ACTR6: variants seen among roughly 807,000 people sequenced by gnomAD.
ACTR6 encodes actin-related protein 6.
A neutral mutation model predicts 52.5 loss-of-function variants in ACTR6; 50 were observed. That is an observed-to-expected ratio of 0.95 (90% CI 0.76 to 1.20). The LOEUF (loss-of-function observed/expected upper bound fraction) is 1.20, where lower values mean the gene tolerates loss of function less well. Among genes scored for constraint, ACTR6 ranks in the 50% most tolerant of loss-of-function variants. The pLI is 0.00. For missense variants in ACTR6, 344 were observed against 472.4 expected (o/e 0.73, Z 2.52); for synonymous variants, 135 against 147.2 (o/e 0.92, Z 0.60).
intron 4 of ACTR6, among the ~76,000 whole-genome samples, chr12:100,209,128 A>C (rs2096117649): frequency 6.6e-6 from 1 of 152,258 alleles, no homozygotes; most frequent in Admixed American, 6.5e-5. Context: ...ATCTAGAAGC[A>C]AGTGTATTAC....
rs965625521 is a variant in ACTR6, at chr12:100,220,100, T to C, written c.1015T>C (p.Cys339Arg). The C allele has an allele frequency of 2.5e-6, 4 of 1,613,912 alleles. No individual in the cohort carries two copies. The African/African-American group carries it at 5.3e-5, about 22-fold the overall frequency. Residue 339 changes from cysteine to arginine, a missense_variant, in exon 10 of 11, where the codon TGT becomes CGT. Cys to Arg is a radical substitution (Grantham distance 180). Transcript: ENST00000188312. ...GGATCGGGTTTACTCAGAAGTTCGA[T>C]GTCTTACTCCAACAGATTATGATGT... Reference protein sequence around the residue: ...FRDRVYSEVRCLTPTDYDVSV... With the variant: ...FRDRVYSEVRRLTPTDYDVSV...
intron 4 of ACTR6, 92 bp downstream of exon 4, chr12:100,207,878 T>C (rs1330369336): frequency 7.0e-7 from 1 of 1,431,514 alleles, no homozygotes; most frequent in Non-Finnish European, 9.7e-7. Context: ...AGTGGCATTC[T>C]TGGCTAGCAC....
intron 4 of ACTR6, 106 bp downstream of exon 4, chr12:100,207,892 G>A: frequency 1.6e-6 from 2 of 1,262,288 alleles, no homozygotes; most frequent in African/African-American, 1.5e-5. Flanking sequence ...CTAGCACAGT[G>A]GCTAACACCT....
At chr12:100,221,509 T>C (rs902660805) in intron 10 of ACTR6, among the ~76,000 whole-genome samples, 1 of 151,554 alleles carries the variant, frequency 6.6e-6, no homozygotes, top group Non-Finnish European at 1.5e-5. Context: ...TCCACAGAAA[T>C]AGGTCTTATT....
In ACTR6 at chr12:100,205,767, A is replaced by C. The variant is rs184084745; in HGVS notation, c.255+23A>C. On this transcript the variant is annotated intron_variant, in intron 3 of 10. Transcript: ENST00000188312. ...CAGGTAACAAATTAGAGTATGTATT[A>C]AAATTCTATTTCCATGTTTAATTGT... The C allele has an allele frequency of 5.3e-4, 698 of 1,317,270 alleles. 1 individual carries two copies. In the African/African-American group the frequency reaches 9.4e-3, roughly 18 times the overall value. 81.6% of individuals were successfully genotyped at this position (1,317,270 alleles called of 1,614,324 possible). A position where few individuals can be genotyped will look rare whatever the true frequency, so the allele number is the denominator to read the frequency against.
At chr12:100,223,514 G>T (rs1161796795) in intron 10 of ACTR6, among the ~76,000 whole-genome samples, 1 of 152,080 alleles carries the variant, frequency 6.6e-6, no homozygotes, top group Non-Finnish European at 1.5e-5. Context: ...GAATTAGAGG[G>T]TCCATAAATT....
At chr12:100,207,819 A>G (rs1389820395) in intron 4 of ACTR6, 33 bp downstream of exon 4, 2 of 1,576,488 alleles carry the variant, frequency 1.3e-6, no homozygotes, top group African/African-American at 2.7e-5. Context: ...ATTGAGTTAT[A>G]TGACTATGGA....
chr12:100,206,918 G>C (rs2096115322), intron 3 of ACTR6, among the ~76,000 whole-genome samples: 1 of 150,806 alleles, frequency 6.6e-6, no homozygotes, highest in African/African-American at 2.4e-5. Context: ...GACCTCAGGT[G>C]ATCTGCCTGC....
chr12:100,216,531 C>T (rs1267189969), intron 8 of ACTR6, among the ~76,000 whole-genome samples: 1 of 152,174 alleles, frequency 6.6e-6, no homozygotes, highest in African/African-American at 2.4e-5. Flanking sequence ...AGTTCTGGCT[C>T]TCTCCCCTAG....
intron 1 of ACTR6, among the ~76,000 whole-genome samples, chr12:100,201,226 T>C (rs544028505): frequency 6.6e-6 from 1 of 152,328 alleles, no homozygotes; most frequent in East Asian, 1.9e-4. Flanking sequence ...TTCATCAGCC[T>C]TTGGAAACTA....
At chr12:100,202,720 A>G (rs2096110807) in intron 1 of ACTR6, among the ~76,000 whole-genome samples, 1 of 151,998 alleles carries the variant, frequency 6.6e-6, no homozygotes, top group Non-Finnish European at 1.5e-5. Flanking sequence ...AGCCGGGCGT[A>G]GTGGCAGGCG....
chr12:100,212,400 G>A, intron 7 of ACTR6, 46 bp downstream of exon 7: 1 of 1,591,124 alleles, frequency 6.3e-7, no homozygotes. Flanking sequence ...ATTGTTAGGG[G>A]ATGTTACACA....
At chr12:100,208,463 T>G (rs958276147) in intron 4 of ACTR6, among the ~76,000 whole-genome samples, 1 of 151,774 alleles carries the variant, frequency 6.6e-6, no homozygotes, top group Non-Finnish European at 1.5e-5. Context: ...TTAGTAGAGA[T>G]GGAGTTTAAC....
chr12:100,216,229 C>T (rs935553883), intron 8 of ACTR6, among the ~76,000 whole-genome samples: 1 of 152,230 alleles, frequency 6.6e-6, no homozygotes, highest in African/African-American at 2.4e-5. Flanking sequence ...GATCACAGCT[C>T]ACTGCAGCTT....
intron 1 of ACTR6, among the ~76,000 whole-genome samples, chr12:100,202,763 G>T (rs1031364632): frequency 1.3e-5 from 2 of 151,998 alleles, no homozygotes; most frequent in Admixed American, 6.6e-5. Context: ...AGGCTGAGGC[G>T]GGAGAATGGC....
intron 8 of ACTR6, 35 bp downstream of exon 8, chr12:100,212,563 C>G: frequency 6.6e-7 from 1 of 1,507,354 alleles, no homozygotes; most frequent in South Asian, 1.1e-5. Flanking sequence ...TTGGTTGCTG[C>G]GGCTCCTGTC....
intron 2 of ACTR6, chr12:100,205,276 C>T (rs1019079191): frequency 1.9e-5 from 7 of 361,298 alleles, no homozygotes; most frequent in African/African-American, 1.3e-4. Flanking sequence ...GGTATGCACA[C>T]ATTAATTTAA....
At chr12:100,216,845 T>C in intron 8 of ACTR6, among the ~76,000 whole-genome samples, 1 of 152,324 alleles carries the variant, frequency 6.6e-6, no homozygotes, top group South Asian at 2.1e-4. Context: ...AAGTGATTTA[T>C]AGTTTTCTGG....
At chr12:100,206,919 A>G (rs2096115326) in intron 3 of ACTR6, among the ~76,000 whole-genome samples, 1 of 148,340 alleles carries the variant, frequency 6.7e-6, no homozygotes. Context: ...ACCTCAGGTG[A>G]TCTGCCTGCC....
Sources: gnomAD v4.1 joint callset for allele counts (sites outside exome capture counted in the v4.1 genomes callset) on GRCh38, gnomAD v4.1.1 for gene constraint, MANE v1.5 for transcripts, NCBI Gene and HGNC (gene_info 2026-07-23, HGNC 2026-07-21) for gene names.